CHST3: variants seen among roughly 807,000 people sequenced by gnomAD.
CHST3 encodes the protein C6ST-1.
Under a neutral mutation model 35.4 loss-of-function variants are expected in CHST3, and 20 were observed. The ratio of observed to expected loss-of-function variants is 0.57; its 90% CI spans 0.40 to 0.82. CHST3 has a LOEUF of 0.82. Ranked by LOEUF, CHST3 falls within the 40% of genes least tolerant of loss-of-function variation. CHST3 has a pLI of 0.00. For missense variants in CHST3, 693 were observed against 670.1 expected, an observed-to-expected ratio of 1.03 and a Z score of -0.38; for synonymous variants, 334 against 295.9, an observed-to-expected ratio of 1.13 and a Z score of -1.32.
At chr10:71,999,809 G>C (rs1373564667) in intron 1 of CHST3, among the ~76,000 whole-genome samples, 1 of 152,220 alleles carries the variant, frequency 6.6e-6, no homozygotes, top group Non-Finnish European at 1.5e-5. Flanking sequence ...AGACCCCTGG[G>C]GGAGAGAAGG....
rs181124312 is a variant in CHST3, at chr10:71,990,590, C to T, written c.-107-15146C>T. On this transcript the variant is annotated intron_variant, in intron 1 of 2. Coordinates refer to ENST00000373115, the MANE Select transcript of CHST3 (RefSeq NM_004273.5). ...ATTGGTCAGGCTGGTCTCAAACTCCCGCCCTCAGGTGATCCACCTGCCTCG... is the reference window on the plus strand; with the variant it reads ...ATTGGTCAGGCTGGTCTCAAACTCCTGCCCTCAGGTGATCCACCTGCCTCG... Among the ~76,000 whole-genome samples, 6 of 152,208 alleles carry T rather than the reference C, an allele frequency of 3.9e-5. No homozygotes were observed. The East Asian group carries it at 9.7e-4, about 25-fold the overall frequency.
chr10:72,006,584 ACGCCC>A (rs1840040540), intron 2 of CHST3, among the ~76,000 whole-genome samples: 1 of 152,192 alleles, frequency 6.6e-6, no homozygotes, highest in Non-Finnish European at 1.5e-5. Flanking sequence ...TAATCTGGGA[ACGCCC>A]CTTTACCCCT....
At position 72,004,154 on chromosome 10, in the gene CHST3, C is replaced by T. The variant is rs148989229; in HGVS notation, c.-107-1582C>T. ...TTGCACTCCAGCCTGGACGACAGAG[C>T]GAGACTCCATCTCAAAATAATAATA... is the stretch of plus-strand genomic sequence containing the variant. On this transcript the variant is annotated intron_variant, in intron 1 of 2. Transcript: ENST00000373115. 6.2e-3 allele frequency among the ~76,000 whole-genome samples: 951 copies of T among 152,180 alleles called. 13 individuals are homozygous for T. The highest frequency in any genetic ancestry group is 0.022 in the African/African-American group (910 of 41,470).
At chr10:71,997,958 G>T (rs1005280099) in intron 1 of CHST3, among the ~76,000 whole-genome samples, 1 of 151,966 alleles carries the variant, frequency 6.6e-6, no homozygotes, top group East Asian at 1.9e-4. Context: ...AAGCCACCAC[G>T]CCCAGTCTCC....
intron 2 of CHST3, 141 bp from the exon 3 acceptor site, chr10:72,007,031 A>G (rs539620879): frequency 2.2e-6 from 2 of 919,868 alleles, no homozygotes; most frequent in Middle Eastern, 2.5e-4. Context: ...TTACTTAAAC[A>G]CAAATCCTTG....
intron 1 of CHST3, among the ~76,000 whole-genome samples, chr10:71,972,725 C>T (rs1839707543): frequency 6.6e-6 from 1 of 152,190 alleles, no homozygotes; most frequent in Non-Finnish European, 1.5e-5. Context: ...ACTCGGTATC[C>T]CATGTTCCAA....
chr10:72,005,035 G>A (rs535624307), intron 1 of CHST3, among the ~76,000 whole-genome samples: 4 of 152,180 alleles, frequency 2.6e-5, no homozygotes, highest in Admixed American at 1.3e-4. Context: ...TGAGGTGGGA[G>A]GATCAATTGA....
chr10:71,982,877 C>G (rs1351170632), intron 1 of CHST3, among the ~76,000 whole-genome samples: 1 of 152,258 alleles, frequency 6.6e-6, no homozygotes, highest in East Asian at 1.9e-4. Flanking sequence ...GGGGGCCAGG[C>G]AGTCACCTGG....
At chr10:71,976,267 C>G (rs998461821) in intron 1 of CHST3, among the ~76,000 whole-genome samples, 1 of 152,200 alleles carries the variant, frequency 6.6e-6, no homozygotes, top group African/African-American at 2.4e-5. Flanking sequence ...GTACTTGTCC[C>G]TGGAAGGGCC....
intron 1 of CHST3, among the ~76,000 whole-genome samples, chr10:71,983,287 C>T (rs1463195691): frequency 6.6e-6 from 1 of 152,186 alleles, no homozygotes; most frequent in African/African-American, 2.4e-5. Context: ...CATTGAGAAC[C>T]TCAGGATTGG....
chr10:71,981,770 T>A (rs1272927713), intron 1 of CHST3, among the ~76,000 whole-genome samples: 1 of 152,234 alleles, frequency 6.6e-6, no homozygotes, highest in African/African-American at 2.4e-5. Context: ...GGAATAAGAA[T>A]AACTGCTGAC....
chr10:71,974,578 G>T (rs1334658745), intron 1 of CHST3, among the ~76,000 whole-genome samples: 1 of 152,146 alleles, frequency 6.6e-6, no homozygotes, highest in East Asian at 1.9e-4. Flanking sequence ...GATGCCAGGC[G>T]GGCCTGGAGG....
At position 72,007,796 on chromosome 10, in the gene CHST3, C is replaced by T; in HGVS notation, c.765C>T (p.Leu255=). The stretch of plus-strand genomic sequence containing the variant: ...GCAAGAACCGCCGCTGCGGCCCCCT[C>T]AACGTGACGCTGGCCGCAGAGGCCT... ...YHCKNRRCGP[L]NVTLAAEACR... Residue 255 remains leucine, a synonymous_variant, in exon 3 of 3, where the codon CTC becomes CTT. Transcript: ENST00000373115. 6.2e-7 allele frequency: 1 copy of T among 1,601,856 alleles called. No homozygotes were observed. Among genetic ancestry groups the T allele is most frequent in the Non-Finnish European group, 8.5e-7 (1 of 1,179,654 alleles).
At chr10:71,998,696 G>A (rs1421040723) in intron 1 of CHST3, among the ~76,000 whole-genome samples, 2 of 152,220 alleles carry the variant, frequency 1.3e-5, no homozygotes, top group African/African-American at 4.8e-5. Context: ...ATCCACCTAT[G>A]GCACTCGCCC....
rs10688056 is a variant in CHST3 at position 72,003,700 on chromosome 10, C to CAA, written c.-107-2020_-107-2019dup. On this transcript the variant is annotated intron_variant, in intron 1 of 2. Transcript: ENST00000373115. ...TGGGTTGCAGAGCAAGACTCTGTCT[C>CAA]AAAAAAAAAAAAAAAAAGGGAATAG... 3.0e-3 allele frequency among the ~76,000 whole-genome samples: 329 copies of CAA among 111,458 alleles called. 3 individuals are homozygous for CAA. The highest frequency in any genetic ancestry group is 5.1e-3 in the African/African-American group (146 of 28,642). The allele number at this position is 111,458 out of a possible 152,430, so 73.1% of individuals were successfully genotyped here. A position where few individuals can be genotyped will look rare whatever the true frequency, so the allele number is the denominator to read the frequency against.
intron 1 of CHST3, among the ~76,000 whole-genome samples, chr10:72,002,902 C>G (rs2131769140): frequency 6.6e-6 from 1 of 152,312 alleles, no homozygotes; most frequent in African/African-American, 2.4e-5. Flanking sequence ...AGATGCGAGT[C>G]CCGACTTTGG....
At position 72,009,562 on chromosome 10, in the gene CHST3, G is replaced by T. The variant is rs886047167; in HGVS notation, c.*1091G>T. ...CCCTGGAGGCAAAAGGCAGCTCACG[G>T]GGCCTTCCATTTCCAGCCAGGCCTC... On this transcript the variant is annotated 3_prime_UTR_variant, in exon 3 of 3. Coordinates refer to ENST00000373115, the MANE Select transcript of CHST3 (RefSeq NM_004273.5). The T allele has an allele frequency of 6.6e-5, 10 of 152,286 alleles. No individual in the cohort carries two copies. Among genetic ancestry groups the T allele is most frequent in the Admixed American group, 1.3e-4 (2 of 15,284 alleles). The allele number at this position is 152,286 out of a possible 1,614,324, so 9.4% of individuals were successfully genotyped here.
intron 2 of CHST3, 75 bp downstream of exon 2, chr10:72,006,057 C>A: frequency 6.4e-7 from 1 of 1,573,792 alleles, no homozygotes. Context: ...AACTGCAGGG[C>A]TCTCTGTGGA....
chr10:71,998,542 G>T (rs1310561149), intron 1 of CHST3, among the ~76,000 whole-genome samples: 2 of 152,240 alleles, frequency 1.3e-5, no homozygotes, highest in African/African-American at 4.8e-5. Context: ...GGAAGGGATC[G>T]TATCCAATGG....
Sources: allele counts gnomAD v4.1 joint callset (sites outside exome capture counted in the v4.1 genomes callset), GRCh38; gene constraint gnomAD v4.1.1; transcripts MANE v1.5; gene names NCBI Gene and HGNC (gene_info 2026-07-23, HGNC 2026-07-21).